LAMA1: variants seen among roughly 807,000 people sequenced by gnomAD.
The protein encoded by LAMA1 is laminin subunit alpha 1.
Under a neutral mutation model 348.7 loss-of-function variants are expected in LAMA1, and 219 were observed. That is an observed-to-expected ratio of 0.63 (90% CI 0.56 to 0.70). The LOEUF is 0.70. LAMA1 is among the 30% of genes least tolerant of loss of function. The pLI, the probability that LAMA1 is intolerant of heterozygous loss-of-function variation, is 0.00. For missense variants in LAMA1, 3,744 were observed against 3,888.0 expected (o/e 0.96, Z 0.99); for synonymous variants, 1,487 against 1,491.0 (o/e 1.00, Z 0.06).
Position 7,034,595 on chromosome 18 carries a change from G to T in LAMA1, c.1935C>A (p.Phe645Leu), listed in dbSNP as rs1216259251. The T allele has an allele frequency of 6.2e-7, 1 of 1,614,140 alleles. No homozygotes were observed. The highest frequency in any genetic ancestry group is 1.1e-5 in the South Asian group (1 of 91,070). The change falls in exon 14 of 63, where the codon TTC (phenylalanine) becomes TTA (leucine). Residue 645 changes from phenylalanine (F) to leucine (L), a missense_variant. Physicochemically the swap from Phe to Leu is conservative, Grantham distance 22 (BLOSUM62 0). Transcript: ENST00000389658. The stretch of plus-strand genomic sequence containing the variant: ...TCTGCCTTTTGCTGTGAAAATCTTG[G>T]AAGTTTTCAGGCACAAGTCTAACCA... ...LNVVRLVPENFQDFHSKRQID... is the reference protein window; with the variant it reads ...LNVVRLVPENLQDFHSKRQID...
chr18:7,006,324 A>T (rs1245860500), intron 29 of LAMA1, among the ~76,000 whole-genome samples: 1 of 152,154 alleles, frequency 6.6e-6, no homozygotes, highest in East Asian at 1.9e-4. Context: ...AAGCAAACAC[A>T]CACTAACATG....
intron 13 of LAMA1, among the ~76,000 whole-genome samples, chr18:7,035,165 T>C (rs1227224313): frequency 1.3e-5 from 2 of 151,628 alleles, no homozygotes; most frequent in Non-Finnish European, 1.5e-5. Context: ...GAACCTGGAG[T>C]GGTTTCTGCC....
intron 3 of LAMA1, among the ~76,000 whole-genome samples, chr18:7,061,204 C>G (rs950176186): frequency 3.9e-5 from 6 of 152,188 alleles, no homozygotes; most frequent in Non-Finnish European, 5.9e-5. Flanking sequence ...AGAAACAGAA[C>G]AGACAAGTAA....
In LAMA1 at chr18:7,011,467, A is replaced by G; in HGVS notation, c.3520T>C (p.Ser1174Pro). Residue 1174 changes from serine (S) to proline (P), a missense_variant, in exon 25 of 63, where the codon TCC becomes CCC. Ser to Pro is a moderately conservative substitution (Grantham distance 74, BLOSUM62 -1). Transcript: ENST00000389658. Reference sequence around the variant, plus strand: ...ACCACACGCAGAAGAGGCTGATCGGAGCCCAGCGTTACCTAAACCACGAAA... The same window carrying G: ...ACCACACGCAGAAGAGGCTGATCGGGGCCCAGCGTTACCTAAACCACGAAA... ...DYVRTPVTLG[S>P]DQPLLRVVSQ... 6.2e-7 allele frequency: 1 copy of G among 1,604,844 alleles called. No homozygotes were observed. Among genetic ancestry groups the G allele is most frequent in the Middle Eastern group, 1.7e-4 (1 of 6,050 alleles).
intron 10 of LAMA1, 84 bp from the exon 11 acceptor site, chr18:7,039,034 C>A: frequency 9.0e-7 from 1 of 1,111,248 alleles, no homozygotes. Context: ...GATAGGTGTT[C>A]GGTGATCCAC....
intron 21 of LAMA1, 143 bp from the exon 22 acceptor site, chr18:7,016,001 C>T: frequency 2.0e-6 from 2 of 975,912 alleles, no homozygotes; most frequent in Non-Finnish European, 3.1e-6. Flanking sequence ...CAAGACCCCT[C>T]CATGTCTCAT....
chr18:7,098,895 C>T (rs1284553268), intron 1 of LAMA1, among the ~76,000 whole-genome samples: 27 of 148,750 alleles, frequency 1.8e-4, no homozygotes, highest in South Asian at 4.3e-4. Flanking sequence ...AGGTGAGGGG[C>T]GCCTCTGCCC....
At chr18:7,078,544 T>A (rs1414304410) in intron 3 of LAMA1, among the ~76,000 whole-genome samples, 1 of 152,194 alleles carries the variant, frequency 6.6e-6, no homozygotes, top group Non-Finnish European at 1.5e-5. Context: ...TGAAAGCTAT[T>A]AAAAGTGTTA....
intron 36 of LAMA1, among the ~76,000 whole-genome samples, chr18:6,986,721 G>A (rs1359875140): frequency 6.6e-6 from 1 of 152,102 alleles, no homozygotes; most frequent in East Asian, 1.9e-4. Flanking sequence ...AGCCGGTTAG[G>A]ATGACCACAA....
chr18:7,116,402 C>T (rs1284138342), intron 1 of LAMA1, among the ~76,000 whole-genome samples: 1 of 152,204 alleles, frequency 6.6e-6, no homozygotes, highest in Admixed American at 6.5e-5. Context: ...TGTAAATTCC[C>T]TCTTCCCAGC....
At chr18:7,034,821 G>T in intron 13 of LAMA1, 131 bp from the exon 14 acceptor site, 1 of 738,164 alleles carries the variant, frequency 1.4e-6, no homozygotes, top group South Asian at 1.7e-5. Flanking sequence ...ACGTGTAATG[G>T]TGTGTACAGC....
chr18:7,008,066 G>A (rs2057841350), intron 28 of LAMA1, among the ~76,000 whole-genome samples: 1 of 152,088 alleles, frequency 6.6e-6, no homozygotes, highest in Admixed American at 6.6e-5. Flanking sequence ...CTGAGTAGCT[G>A]GGATTACAGG....
intron 56 of LAMA1, 109 bp from the exon 57 acceptor site, chr18:6,955,574 G>T: frequency 1.3e-6 from 1 of 759,206 alleles, no homozygotes; most frequent in Non-Finnish European, 2.3e-6. Context: ...CATTAGAACA[G>T]CAACAACCAC....
chr18:7,077,487 G>A (rs1386338419), intron 3 of LAMA1, among the ~76,000 whole-genome samples: 1 of 152,084 alleles, frequency 6.6e-6, no homozygotes, highest in Non-Finnish European at 1.5e-5. Context: ...TTACAGGCAT[G>A]AGCCACTGCA....
chr18:7,063,478 G>C (rs1208579056), intron 3 of LAMA1, among the ~76,000 whole-genome samples: 1 of 152,096 alleles, frequency 6.6e-6, no homozygotes, highest in African/African-American at 2.4e-5. Context: ...ATTACAACAT[G>C]ATGCAGAAAT....
chr18:7,065,701 T>C (rs979983715), intron 3 of LAMA1, among the ~76,000 whole-genome samples: 9 of 152,168 alleles, frequency 5.9e-5, no homozygotes, highest in African/African-American at 2.2e-4. Flanking sequence ...CACTCCAGCT[T>C]GGGTGACAGA....
Position 7,042,184 on chromosome 18 carries a change from C to A in LAMA1, c.1222G>T (p.Val408Phe), listed in dbSNP as rs765522986. 6.2e-7 allele frequency: 1 copy of A among 1,612,906 alleles called. No individual in the cohort carries two copies. Among genetic ancestry groups the A allele is most frequent in the Non-Finnish European group, 8.5e-7 (1 of 1,179,364 alleles). Reference sequence around the variant, plus strand: ...GAATGGAGGTCATCCTTAATACAGACAGAACTGAGGGACCCCACAGGGTCA... The same window carrying A: ...GAATGGAGGTCATCCTTAATACAGAAAGAACTGAGGGACCCCACAGGGTCA... ...NCDPVGSLSS[V>F]CIKDDLHSDL... is the part of the protein sequence containing the mutation. Residue 408 changes from valine (V) to phenylalanine (F), a missense_variant, in exon 9 of 63, where the codon GTC becomes TTC. Physicochemically the swap from Val to Phe is conservative, Grantham distance 50. Around this residue, in one of 3 missense-constraint regions of LAMA1, gnomAD observed 1,529 missense variants for 1,689.4 expected, o/e 0.91. Transcript: ENST00000389658.
chr18:6,996,568 T>C (rs940305879), intron 33 of LAMA1, among the ~76,000 whole-genome samples: 1 of 151,676 alleles, frequency 6.6e-6, no homozygotes, highest in African/African-American at 2.4e-5. Context: ...AGCTTAGGAG[T>C]TCAAGACCAG....
At position 6,973,113 on chromosome 18, in the gene LAMA1, G is replaced by T. The variant is rs1409327103; in HGVS notation, c.6718C>A (p.Leu2240Met). Residue 2240 changes from leucine to methionine, a missense_variant, in exon 47 of 63, where the codon CTG (leucine) becomes ATG (methionine). Physicochemically the swap from Leu to Met is conservative, Grantham distance 15. Around this residue, in one of 3 missense-constraint regions of LAMA1, gnomAD observed 1,983 missense variants for 1,934.3 expected, o/e 1.03. Coordinates refer to ENST00000389658, the MANE Select transcript of LAMA1 (RefSeq NM_005559.4). The stretch of plus-strand genomic sequence containing the variant: ...ATGAGTGTTGAATTGTTTACATCCA[G>T]AACATTAGCTGTCCCAGGGGATTTA... ...TSKSPGTANV[L>M]DVNNSTLMFV... The T allele has an allele frequency of 1.9e-6, 3 of 1,613,996 alleles. No homozygotes were observed. The highest frequency in any genetic ancestry group is 2.5e-6 in the Non-Finnish European group (3 of 1,179,938).
Sources: allele counts gnomAD v4.1 joint callset (sites outside exome capture counted in the v4.1 genomes callset), GRCh38; gene constraint gnomAD v4.1.1; regional missense constraint gnomAD v4.1.1; transcripts MANE v1.5; gene names NCBI Gene and HGNC (gene_info 2026-07-23, HGNC 2026-07-21).